Variants in MAP2 observed in about 807,000 individuals in gnomAD.
MAP2 encodes microtubule associated protein 2, also known as microtubule-associated protein 2.
In MAP2, 14 loss-of-function variants were observed where a neutral mutation model predicts 137.6. The ratio of observed to expected loss-of-function variants is 0.10; its 90% CI spans 0.07 to 0.16. The LOEUF (loss-of-function observed/expected upper bound fraction) is 0.16, where lower values mean the gene tolerates loss of function less well. Among genes scored for constraint, MAP2 ranks in the 10% least tolerant of loss-of-function variants. The pLI is 1.00. For synonymous variants in MAP2, 786 were observed against 782.3 expected (o/e 1.00, Z -0.08); for missense variants, 2,088 against 2,191.5 (o/e 0.95, Z 0.94).
At chr2:209,664,807 A>G (rs1401274442) in intron 5 of MAP2, among the ~76,000 whole-genome samples, 1 of 151,854 alleles carries the variant, frequency 6.6e-6, no homozygotes, top group East Asian at 1.9e-4. Flanking sequence ...TAAAAATACA[A>G]AAATTAGCTA....
intron 7 of MAP2, among the ~76,000 whole-genome samples, chr2:209,690,325 T>C (rs1310768022): frequency 6.6e-6 from 1 of 152,128 alleles, no homozygotes; most frequent in Non-Finnish European, 1.5e-5. Context: ...AATCAATCAA[T>C]ACAACCCTTT....
At chr2:209,581,479 G>A (rs570885349) in intron 3 of MAP2, among the ~76,000 whole-genome samples, 4 of 152,246 alleles carry the variant, frequency 2.6e-5, no homozygotes, top group South Asian at 2.1e-4. Context: ...CAGTGGAATC[G>A]TGTATGAAAT....
chr2:209,541,255 T>A (rs1461798659), intron 2 of MAP2, among the ~76,000 whole-genome samples: 1 of 151,088 alleles, frequency 6.6e-6, no homozygotes, highest in Non-Finnish European at 1.5e-5. Context: ...GTCTCGAACT[T>A]CTAACTTCAA....
intron 2 of MAP2, among the ~76,000 whole-genome samples, chr2:209,515,833 C>A (rs762255169): frequency 4.6e-5 from 7 of 152,146 alleles, no homozygotes; most frequent in Non-Finnish European, 8.8e-5. Flanking sequence ...GTCACCCAGG[C>A]TAAAGTACAG....
At chr2:209,659,805 G>A (rs1442418667) in intron 5 of MAP2, among the ~76,000 whole-genome samples, 3 of 152,014 alleles carry the variant, frequency 2.0e-5, no homozygotes, top group African/African-American at 7.2e-5. Flanking sequence ...TTGGGAGGCC[G>A]AGGCGGGTGG....
In MAP2 at chr2:209,641,716, A is replaced by C. The variant is rs535916625; in HGVS notation, c.-29-11426A>C. ...GGGGGACTTAAAAAAAAGAAAAAAA[A>C]ATTACTGGTAGAGACTAAAGCTCTA... On this transcript the variant is annotated intron_variant, in intron 4 of 15. Transcript: ENST00000682079. Among the ~76,000 whole-genome samples the C allele has an allele frequency of 5.9e-5, 9 of 152,126 alleles. No individual in the cohort carries two copies. In the East Asian group the frequency reaches 1.5e-3, roughly 26 times the overall value.
chr2:209,527,832 C>T (rs1351336404), intron 2 of MAP2, among the ~76,000 whole-genome samples: 5 of 152,282 alleles, frequency 3.3e-5, no homozygotes, highest in Middle Eastern at 6.8e-3. Context: ...CGGTAACCTG[C>T]GTTTTGTCAA....
intron 1 of MAP2, among the ~76,000 whole-genome samples, chr2:209,454,218 G>A (rs1183767448): frequency 6.7e-6 from 1 of 149,616 alleles, no homozygotes; most frequent in Non-Finnish European, 1.5e-5. Context: ...GCCCAGGAGA[G>A]AGTGAAAAAG....
intron 1 of MAP2, among the ~76,000 whole-genome samples, chr2:209,482,608 C>A (rs2057867848): frequency 6.6e-6 from 1 of 152,170 alleles, no homozygotes; most frequent in African/African-American, 2.4e-5. Flanking sequence ...ACCAAACTTT[C>A]TGATAGGCTT....
At chr2:209,618,681 T>C (rs1197204667) in intron 3 of MAP2, among the ~76,000 whole-genome samples, 3 of 152,136 alleles carry the variant, frequency 2.0e-5, no homozygotes, top group Non-Finnish European at 2.9e-5. Flanking sequence ...CCACTGTTGA[T>C]GGAAATATAA....
At chr2:209,675,216 T>A (rs1027646738) in intron 5 of MAP2, among the ~76,000 whole-genome samples, 6 of 151,802 alleles carry the variant, frequency 4.0e-5, no homozygotes, top group African/African-American at 9.7e-5. Flanking sequence ...GAAGAAAAAA[T>A]TTACCAATTC....
intron 14 of MAP2, among the ~76,000 whole-genome samples, chr2:209,726,105 G>C (rs766643740): frequency 1.3e-5 from 2 of 152,108 alleles, no homozygotes; most frequent in Non-Finnish European, 2.9e-5. Flanking sequence ...ATCAGATCAT[G>C]TATTCATATA....
chr2:209,443,227 T>C (rs994744573), intron 1 of MAP2, among the ~76,000 whole-genome samples: 1 of 151,512 alleles, frequency 6.6e-6, no homozygotes, highest in African/African-American at 2.4e-5. Context: ...TTTTTTTTTT[T>C]TCTCCTTGGC....
chr2:209,479,498 G>C (rs1039523485), intron 1 of MAP2, among the ~76,000 whole-genome samples: 5 of 152,084 alleles, frequency 3.3e-5, no homozygotes, highest in Admixed American at 1.3e-4. Flanking sequence ...AGTAAGTAAA[G>C]AATGAGCTGG....
intron 3 of MAP2, among the ~76,000 whole-genome samples, chr2:209,613,398 GA>G (rs1238719727): frequency 3.3e-5 from 5 of 152,104 alleles, no homozygotes; most frequent in Non-Finnish European, 7.4e-5. Flanking sequence ...ATAAACAAAA[GA>G]AAACAAAACT....
At chr2:209,435,965 TTA>T (rs1245894888) in intron 1 of MAP2, among the ~76,000 whole-genome samples, 1 of 138,096 alleles carries the variant, frequency 7.2e-6, no homozygotes, top group Non-Finnish European at 1.5e-5. Context: ...ACAGTATATA[TTA>T]TATATAATAT....
intron 1 of MAP2, among the ~76,000 whole-genome samples, chr2:209,486,838 A>G (rs574411849): frequency 2.0e-5 from 3 of 152,324 alleles, no homozygotes; most frequent in Non-Finnish European, 4.4e-5. Flanking sequence ...ACTCTTGACT[A>G]GTACAGTTGA....
chr2:209,733,954 G>A lies in MAP2; in HGVS notation c.*3557G>A, dbSNP rs923884859. Reference sequence around the variant, plus strand: ...TTCCAACACACTGTTACAAATCTGTGGGGGGTTTCTTTCTTCTGATAATTC... The same window carrying A: ...TTCCAACACACTGTTACAAATCTGTAGGGGGTTTCTTTCTTCTGATAATTC... On this transcript the variant is annotated 3_prime_UTR_variant, in exon 16 of 16. Coordinates refer to ENST00000682079, the MANE Select transcript of MAP2 (RefSeq NM_001375505.1). 2 of 152,534 alleles carry A rather than the reference G, an allele frequency of 1.3e-5. No homozygotes were observed. Among genetic ancestry groups the A allele is most frequent in the African/African-American group, 4.8e-5 (2 of 41,414 alleles). The allele number at this position is 152,534 out of a possible 1,614,324, so 9.4% of individuals were successfully genotyped here.
chr2:209,549,917 C>A, intron 2 of MAP2, among the ~76,000 whole-genome samples: 1 of 152,150 alleles, frequency 6.6e-6, no homozygotes, highest in Admixed American at 6.5e-5. Flanking sequence ...TAAGTTTACT[C>A]GTCTTTACAG....
Sources: gnomAD v4.1 joint callset for allele counts (sites outside exome capture counted in the v4.1 genomes callset) on GRCh38, gnomAD v4.1.1 for gene constraint, MANE v1.5 for transcripts, NCBI Gene and HGNC (gene_info 2026-07-23, HGNC 2026-07-21) for gene names.